Variants in MAP3K2 observed in about 807,000 individuals in gnomAD.
MAP3K2 encodes the protein mitogen-activated protein kinase kinase kinase 2.
A neutral mutation model predicts 80.3 loss-of-function variants in MAP3K2; 24 were observed. The observed-to-expected ratio is 0.30, with a 90% CI of 0.22 to 0.42. The LOEUF is 0.42. MAP3K2 is among the 10% of genes least tolerant of loss of function. The pLI is 1.00. For missense variants in MAP3K2, 608 were observed against 750.1 expected, an observed-to-expected ratio of 0.81 and a Z score of 2.21; for synonymous variants, 244 against 253.7, an observed-to-expected ratio of 0.96 and a Z score of 0.36.
rs1395893816 is a variant in MAP3K2, at chr2:127,322,633, G to T, written c.839-381C>A. ...TTTGAGATGGAGTTTCACTCTTGTTGCCCAGGCTGGAGTGCAGTGGTACAA... is the reference window on the plus strand; with the variant it reads ...TTTGAGATGGAGTTTCACTCTTGTTTCCCAGGCTGGAGTGCAGTGGTACAA... On this transcript the variant is annotated intron_variant, in intron 11 of 16. Transcript: ENST00000682094. This position sits in a 1 kb window ranked among gnomAD's most constrained non-coding sequence, Gnocchi z 4.2. Among the ~76,000 whole-genome samples, 2 of 152,020 alleles carry T rather than the reference G, an allele frequency of 1.3e-5. No homozygotes were observed. The highest frequency in any genetic ancestry group is 4.8e-5 in the African/African-American group (2 of 41,412).
rs1685627796 is a variant in MAP3K2, at chr2:127,303,028, T to C, written c.*4551A>G. The C allele has an allele frequency of 6.6e-6, 1 of 152,238 alleles. No individual in the cohort carries two copies. Among genetic ancestry groups the C allele is most frequent in the African/African-American group, 2.4e-5 (1 of 41,558 alleles). 9.4% of individuals were successfully genotyped at this position (152,238 alleles called of 1,614,324 possible). On this transcript the variant is annotated 3_prime_UTR_variant, in exon 17 of 17. Coordinates refer to ENST00000682094, the MANE Select transcript of MAP3K2 (RefSeq NM_001371910.2). Reference sequence around the variant, plus strand: ...TGGAAAAAATCTTCATTTTGGTGGGTAACTTGAATTATTAATATAAAATAA... The same window carrying C: ...TGGAAAAAATCTTCATTTTGGTGGGCAACTTGAATTATTAATATAAAATAA...
At chr2:127,311,799 T>TA (rs1308327429) in intron 15 of MAP3K2, among the ~76,000 whole-genome samples, 2 of 152,076 alleles carry the variant, frequency 1.3e-5, no homozygotes, top group Non-Finnish European at 2.9e-5. Flanking sequence ...TTTGTTACAT[T>TA]AAAAAAAACT....
In MAP3K2 at chr2:127,335,989, A is replaced by C. The variant is rs1222484432; in HGVS notation, c.165-20T>G. 2.1e-6 allele frequency: 3 copies of C among 1,403,254 alleles called. No individual in the cohort carries two copies. The highest frequency in any genetic ancestry group is 2.5e-5 in the South Asian group (2 of 80,694). 86.9% of individuals were successfully genotyped at this position (1,403,254 alleles called of 1,614,324 possible). On this transcript the variant is annotated intron_variant, in intron 4 of 16. Transcript: ENST00000682094. The stretch of plus-strand genomic sequence containing the variant: ...AGGATTCTATATAAACACAATTTTA[A>C]GATTTTATTTTCTTAGGCAAAGTTA...
At chr2:127,334,774 A>ATTT (rs11378420) in intron 5 of MAP3K2, among the ~76,000 whole-genome samples, 47 of 141,338 alleles carry the variant, frequency 3.3e-4, no homozygotes, top group Non-Finnish European at 4.4e-4. Flanking sequence ...TACTTTATGC[A>ATTT]TTTTTTTTTT....
intron 5 of MAP3K2, among the ~76,000 whole-genome samples, chr2:127,332,319 ACTTTT>A: frequency 6.6e-6 from 1 of 152,328 alleles, no homozygotes; most frequent in Non-Finnish European, 1.5e-5. Context: ...CTGAATACTT[ACTTTT>A]ATTATTCATT....
At chr2:127,344,176 G>A (rs1686552538) in intron 1 of MAP3K2, among the ~76,000 whole-genome samples, 1 of 152,100 alleles carries the variant, frequency 6.6e-6, no homozygotes, top group Admixed American at 6.6e-5. Flanking sequence ...CTGTCCTCAT[G>A]TGATATGTCA....
At chr2:127,336,266 T>C (rs1381164804) in intron 4 of MAP3K2, among the ~76,000 whole-genome samples, 1 of 152,236 alleles carries the variant, frequency 6.6e-6, no homozygotes, top group African/African-American at 2.4e-5. Flanking sequence ...CAATGCAAAA[T>C]GTTTATTCAG....
intron 14 of MAP3K2, among the ~76,000 whole-genome samples, chr2:127,316,002 G>C (rs1282027158): frequency 6.6e-6 from 1 of 152,124 alleles, no homozygotes; most frequent in Non-Finnish European, 1.5e-5. Flanking sequence ...TTTAATTCAG[G>C]AGGTGGAAGT....
chr2:127,314,945 T>G, intron 14 of MAP3K2, 62 bp from the exon 15 acceptor site: 1 of 1,216,394 alleles, frequency 8.2e-7, no homozygotes, highest in Non-Finnish European at 1.2e-6. Flanking sequence ...AAACTGCTAT[T>G]AAATCTTTAT....
At chr2:127,323,840 GTATT>G in intron 11 of MAP3K2, 58 bp downstream of exon 11, 2 of 743,838 alleles carry the variant, frequency 2.7e-6, no homozygotes, top group Non-Finnish European at 4.1e-6. Context: ...AAAAATTTTT[GTATT>G]TATTTTTGTT....
intron 4 of MAP3K2, among the ~76,000 whole-genome samples, chr2:127,337,056 T>G (rs1686387090): frequency 6.6e-6 from 1 of 151,940 alleles, no homozygotes; most frequent in South Asian, 2.1e-4. Context: ...GCAGGAGAAT[T>G]GCTTGAACCC....
At chr2:127,384,744 A>C (rs1687314911) in intron 1 of MAP3K2, among the ~76,000 whole-genome samples, 1 of 149,320 alleles carries the variant, frequency 6.7e-6, no homozygotes, top group African/African-American at 2.5e-5. Flanking sequence ...TGCAGCCCTG[A>C]CCTCCCCTCC....
chr2:127,334,839 C>A (rs1298377654), intron 5 of MAP3K2, among the ~76,000 whole-genome samples: 2 of 149,062 alleles, frequency 1.3e-5, no homozygotes, highest in Non-Finnish European at 3.0e-5. Context: ...GACGCGGTAT[C>A]AGCTCATTGC....
At chr2:127,361,796 G>C (rs1686898328) in intron 1 of MAP3K2, among the ~76,000 whole-genome samples, 1 of 152,152 alleles carries the variant, frequency 6.6e-6, no homozygotes, top group African/African-American at 2.4e-5. Context: ...GAATGTTTTA[G>C]AGTCACATAG....
intron 1 of MAP3K2, among the ~76,000 whole-genome samples, chr2:127,355,615 T>A: frequency 6.6e-6 from 1 of 152,160 alleles, no homozygotes; most frequent in East Asian, 1.9e-4. Flanking sequence ...AGGGCCTCCA[T>A]GTTGATGGCT....
intron 1 of MAP3K2, among the ~76,000 whole-genome samples, chr2:127,380,821 G>C (rs951723427): frequency 2.6e-5 from 4 of 152,030 alleles, no homozygotes; most frequent in Admixed American, 1.3e-4. Context: ...TAGATATATA[G>C]ATACATCTCA....
intron 15 of MAP3K2, among the ~76,000 whole-genome samples, chr2:127,314,239 C>T (rs1384041517): frequency 6.6e-6 from 1 of 152,162 alleles, no homozygotes; most frequent in Non-Finnish European, 1.5e-5. Context: ...CTTCGCTTCT[C>T]TTCATTCTTT....
Position 127,364,922 on chromosome 2 carries a change from G to A in MAP3K2, c.-65-21728C>T, listed in dbSNP as rs1229338611. Among the ~76,000 whole-genome samples the A allele has an allele frequency of 1.3e-5, 2 of 152,032 alleles. No individual in the cohort carries two copies. Among genetic ancestry groups the A allele is most frequent in the African/African-American group, 4.8e-5 (2 of 41,392 alleles). ...GCAGGCAGATCACCTGAGGTCAGGA[G>A]TTTGAGACCGGCCTGGCCAACATGG... On this transcript the variant is annotated intron_variant, in intron 1 of 16. Transcript: ENST00000682094. This position sits in a 1 kb window ranked among gnomAD's most constrained non-coding sequence, Gnocchi z 4.1.
chr2:127,369,322 A>G (rs1687022434), intron 1 of MAP3K2, among the ~76,000 whole-genome samples: 2 of 150,924 alleles, frequency 1.3e-5, no homozygotes, highest in Admixed American at 1.3e-4. Flanking sequence ...CAGAGGACTG[A>G]CTGTATTATT....
Sources: allele counts gnomAD v4.1 joint callset (sites outside exome capture counted in the v4.1 genomes callset), GRCh38; gene constraint gnomAD v4.1.1; non-coding constraint Gnocchi (gnomAD v3.1); transcripts MANE v1.5; gene names NCBI Gene and HGNC (gene_info 2026-07-23, HGNC 2026-07-21).